The following SLC23A2 variants were observed in gnomAD, a reference collection of about 807,000 sequenced individuals.
SLC23A2 encodes solute carrier family 23 member 2.
A neutral mutation model predicts 73.3 loss-of-function variants in SLC23A2; 36 were observed. The ratio of observed to expected loss-of-function variants is 0.49; its 90% confidence interval spans 0.38 to 0.65. SLC23A2 has a LOEUF of 0.65. SLC23A2 is among the 30% of genes least tolerant of loss of function. The pLI is 0.00. For missense variants in SLC23A2, 507 were observed against 841.6 expected (o/e 0.60, Z 4.92); for synonymous variants, 343 against 327.3 (o/e 1.05, Z -0.52).
chr20:4,897,198 G>T (rs552689415), intron 6 of SLC23A2, among the ~76,000 whole-genome samples: 3 of 152,260 alleles, frequency 2.0e-5, no homozygotes, highest in African/African-American at 7.2e-5. Flanking sequence ...CAGGTTAAGA[G>T]AACGGGCACC....
chr20:4,873,268 T>A (rs1800664823), intron 11 of SLC23A2, among the ~76,000 whole-genome samples: 1 of 152,068 alleles, frequency 6.6e-6, no homozygotes, highest in African/African-American at 2.4e-5. Context: ...AGGCTCCAAT[T>A]CTAATAAAAA....
chr20:4,861,546 G>T (rs144256663), intron 15 of SLC23A2, among the ~76,000 whole-genome samples: 1 of 152,256 alleles, frequency 6.6e-6, no homozygotes, highest in East Asian at 1.9e-4. Context: ...CAAGCCACGT[G>T]ATTTTGCTCT....
chr20:4,873,882 C>A, intron 11 of SLC23A2, 54 bp downstream of exon 11: 1 of 1,538,706 alleles, frequency 6.5e-7, no homozygotes, highest in East Asian at 2.3e-5. Flanking sequence ...ATTCCCACCC[C>A]TCTCAGTTGG....
intron 1 of SLC23A2, among the ~76,000 whole-genome samples, chr20:4,972,584 G>T (rs58061452): frequency 0.39 from 57,279 of 147,716 alleles, 11,369 homozygotes; most frequent in Admixed American, 0.47. Flanking sequence ...GGGTTTTTTT[G>T]TTGTTGTTGT....
intron 1 of SLC23A2, among the ~76,000 whole-genome samples, chr20:4,976,977 A>G (rs556563682): frequency 3.7e-4 from 56 of 151,368 alleles, no homozygotes; most frequent in Middle Eastern, 3.2e-3. Context: ...CTCCATCTCA[A>G]AAAAAAAATA....
At chr20:5,006,522 G>C (rs1285423534) in intron 1 of SLC23A2, among the ~76,000 whole-genome samples, 1 of 151,170 alleles carries the variant, frequency 6.6e-6, no homozygotes, top group African/African-American at 2.4e-5. Context: ...TCAAATTGAT[G>C]GCAAATGTTC....
chr20:4,964,900 A>T (rs946918747), intron 2 of SLC23A2, among the ~76,000 whole-genome samples: 3 of 53,210 alleles, frequency 5.6e-5, no homozygotes, highest in Admixed American at 2.4e-4. Flanking sequence ...GGAAAAGAAG[A>T]AAAAAAAAAA....
chr20:4,857,014 G>A lies in SLC23A2; in HGVS notation c.1911C>T (p.Asp637=), dbSNP rs202082837. 44 of 1,614,008 alleles carry A rather than the reference G, an allele frequency of 2.7e-5. No homozygotes were observed. The highest frequency in any genetic ancestry group is 6.7e-5 in the Admixed American group (4 of 60,004). The change falls in exon 17 of 17, where the codon GAC becomes GAT. Residue 637 remains aspartate (D), a synonymous_variant. Coordinates refer to ENST00000338244, the MANE Select transcript of SLC23A2 (RefSeq NM_005116.6). The surrounding 1 kb of genome is among the most constrained non-coding windows in gnomAD (Gnocchi z 4.0). ...GYTWKGLRKS[D]NSRSSDEDSQ... Reference sequence around the variant, plus strand: ...AGTCTTCATCTGAACTCCGGCTGTTGTCGCTCTTCCTGAGGCCTTTCCATG... The same window carrying A: ...AGTCTTCATCTGAACTCCGGCTGTTATCGCTCTTCCTGAGGCCTTTCCATG...
chr20:4,867,662 T>A (rs1930259988), intron 13 of SLC23A2, 108 bp downstream of exon 13: 10 of 520,984 alleles, frequency 1.9e-5, no homozygotes, highest in Non-Finnish European at 2.3e-5. Flanking sequence ...GAGAAGTAAT[T>A]TTTTAGAACC....
chr20:4,861,745 T>C (rs1027647922), intron 15 of SLC23A2, among the ~76,000 whole-genome samples: 1 of 152,178 alleles, frequency 6.6e-6, no homozygotes, highest in African/African-American at 2.4e-5. Flanking sequence ...TTAGCATCCA[T>C]GACTGTTATG....
Position 4,854,845 on chromosome 20 carries a change from G to C in SLC23A2, c.*2127C>G, listed in dbSNP as rs1220595097. 1 of 152,140 alleles carries C rather than the reference G, an allele frequency of 6.6e-6. No homozygotes were observed. Among genetic ancestry groups the C allele is most frequent in the African/African-American group, 2.4e-5 (1 of 41,414 alleles). 9.4% of individuals were successfully genotyped at this position (152,140 alleles called of 1,614,324 possible). On this transcript the variant is annotated 3_prime_UTR_variant, in exon 17 of 17. Transcript: ENST00000338244. ...CTTTCAGGCTTTTATTTGGATATTT[G>C]GTCTTTCTGCTCACCTGGAGAGCTA...
chr20:5,004,560 T>A (rs997065376), upstream of SLC23A2, among the ~76,000 whole-genome samples: 1 of 152,188 alleles, frequency 6.6e-6, no homozygotes, highest in Non-Finnish European at 1.5e-5. Context: ...AAAGGATAAT[T>A]GGAGACCAGG....
intron 13 of SLC23A2, among the ~76,000 whole-genome samples, chr20:4,864,619 C>T (rs1012497429): frequency 9.2e-5 from 14 of 152,204 alleles, no homozygotes; most frequent in African/African-American, 3.1e-4. Context: ...ATTATTTGAT[C>T]AAGCTTGTGA....
intron 3 of SLC23A2, among the ~76,000 whole-genome samples, chr20:4,916,937 A>C (rs1424388803): frequency 6.6e-6 from 1 of 152,340 alleles, no homozygotes; most frequent in East Asian, 1.9e-4. Flanking sequence ...GGTTAGGTGT[A>C]TTAAATGCAT....
At chr20:4,874,725 C>T (rs1486113915) in intron 9 of SLC23A2, 29 bp from the exon 10 acceptor site, 1 of 1,555,670 alleles carries the variant, frequency 6.4e-7, no homozygotes, top group Non-Finnish European at 8.7e-7. Context: ...CAAACTAGGT[C>T]AAAAGCTGTT....
In SLC23A2 at chr20:4,962,993, T is replaced by C. The variant is rs546769279; in HGVS notation, c.-155+7800A>G. ...CAGCCTGGGTGACAGAGCAAGACTA[T>C]CTCAAAAAAAGTTGCCAGATGATGG... On this transcript the variant is annotated intron_variant, in intron 2 of 16. Coordinates refer to ENST00000338244, the MANE Select transcript of SLC23A2 (RefSeq NM_005116.6). Among the ~76,000 whole-genome samples the C allele has an allele frequency of 3.9e-5, 6 of 152,078 alleles. No individual in the cohort carries two copies. In the South Asian group the frequency reaches 1.0e-3, roughly 26 times the overall value.
chr20:4,888,283 C>T (rs1270994872), intron 6 of SLC23A2, among the ~76,000 whole-genome samples: 1 of 152,216 alleles, frequency 6.6e-6, no homozygotes, highest in Non-Finnish European at 1.5e-5. Context: ...TCTAAGGCTG[C>T]TTTCACGCTA....
In SLC23A2 at chr20:4,899,442, G is replaced by A. The variant is rs1182274477; in HGVS notation, c.482+113C>T. 9.8e-6 allele frequency: 12 copies of A among 1,224,540 alleles called. No individual in the cohort carries two copies. The highest frequency in any genetic ancestry group is 3.0e-5 in the African/African-American group (2 of 67,152). 75.9% of individuals were successfully genotyped at this position (1,224,540 alleles called of 1,614,324 possible). On this transcript the variant is annotated intron_variant, in intron 6 of 16. Coordinates refer to ENST00000338244, the MANE Select transcript of SLC23A2 (RefSeq NM_005116.6). The surrounding 1 kb of genome is among the most constrained non-coding windows in gnomAD (Gnocchi z 4.9). ...GACCAACGGCCACTAGGACATTCCCGTGCCTCCATTCTGTCCTTGCCAACA... is the reference window on the plus strand; with the variant it reads ...GACCAACGGCCACTAGGACATTCCCATGCCTCCATTCTGTCCTTGCCAACA...
intron 4 of SLC23A2, among the ~76,000 whole-genome samples, chr20:4,907,578 A>C (rs1932001977): frequency 6.6e-6 from 1 of 152,228 alleles, no homozygotes; most frequent in South Asian, 2.1e-4. Context: ...AAACCAAAAA[A>C]CAATAAAAGA....
Sources: allele counts gnomAD v4.1 joint callset (sites outside exome capture counted in the v4.1 genomes callset), GRCh38; gene constraint gnomAD v4.1.1; non-coding constraint Gnocchi (gnomAD v3.1); transcripts MANE v1.5; gene names NCBI Gene and HGNC (gene_info 2026-07-23, HGNC 2026-07-21).